Variants in KALRN observed in about 807,000 individuals in gnomAD.
KALRN encodes the protein kalirin.
A neutral mutation model predicts 353.7 loss-of-function variants in KALRN; 70 were observed. That is an observed-to-expected ratio of 0.20 (90% CI 0.16 to 0.24). The LOEUF (loss-of-function observed/expected upper bound fraction) is 0.24, where lower values mean the gene tolerates loss of function less well. KALRN is among the 10% of genes least tolerant of loss of function. The pLI is 1.00. For missense variants in KALRN, 2,791 were observed against 3,756.7 expected (o/e 0.74, Z 6.72); for synonymous variants, 1,391 against 1,434.8 (o/e 0.97, Z 0.69).
chr3:124,153,239 G>A (rs893462992), intron 1 of KALRN, among the ~76,000 whole-genome samples: 2 of 145,726 alleles, frequency 1.4e-5, no homozygotes, highest in African/African-American at 5.1e-5. Context: ...TTAGCATTAG[G>A]TATATCTCCT....
At chr3:124,641,320 G>T (rs1231789377) in intron 37 of KALRN, among the ~76,000 whole-genome samples, 1 of 152,148 alleles carries the variant, frequency 6.6e-6, no homozygotes, top group East Asian at 1.9e-4. Context: ...TAAGAAAGAT[G>T]CTCACCCATC....
chr3:124,610,287 A>G (rs994248977), intron 34 of KALRN, among the ~76,000 whole-genome samples: 2 of 152,208 alleles, frequency 1.3e-5, no homozygotes, highest in Admixed American at 6.5e-5. Context: ...AAGATAGTCT[A>G]TTACTCACAG....
At chr3:124,052,635 T>A (rs928026205) in intron 1 of KALRN, among the ~76,000 whole-genome samples, 2 of 152,090 alleles carry the variant, frequency 1.3e-5, no homozygotes, top group Admixed American at 6.6e-5. Flanking sequence ...TACATTTCCT[T>A]CCATGCAGAA....
intron 1 of KALRN, among the ~76,000 whole-genome samples, chr3:124,100,692 C>T (rs1459345405): frequency 6.6e-6 from 1 of 152,190 alleles, no homozygotes; most frequent in Non-Finnish European, 1.5e-5. Flanking sequence ...TGTCAACATT[C>T]CTGTAGCTAC....
At chr3:124,159,709 C>G (rs1235983630) in intron 1 of KALRN, among the ~76,000 whole-genome samples, 2 of 152,060 alleles carry the variant, frequency 1.3e-5, no homozygotes, top group African/African-American at 2.4e-5. Flanking sequence ...GTTAGACCCT[C>G]CAGTCCAGGG....
At chr3:124,566,880 C>T (rs2072908618) in intron 34 of KALRN, among the ~76,000 whole-genome samples, 1 of 152,116 alleles carries the variant, frequency 6.6e-6, no homozygotes, top group African/African-American at 2.4e-5. Flanking sequence ...TTTTTCAATT[C>T]CCATAAGAGA....
chr3:124,268,995 A>C lies in KALRN; in HGVS notation c.709A>C (p.Lys237Gln), dbSNP rs777754688. 6.2e-7 allele frequency: 1 copy of C among 1,613,960 alleles called. No individual in the cohort carries two copies. Among genetic ancestry groups the C allele is most frequent in the South Asian group, 1.1e-5 (1 of 91,038 alleles). ...CATTGACGAACACACACAGCTCAAG[A>C]AAAAGGTGCTGAAGGCCCCTGTGGA... ...RLIDEHTQLK[K>Q]KVLKAPVEEL... Residue 237 changes from lysine to glutamine, a missense_variant, in exon 5 of 60, where the codon AAA (lysine) becomes CAA (glutamine). By Grantham distance (53) the Lys-to-Gln change is moderately conservative. Transcript: ENST00000682506.
rs114815999 is a variant in KALRN at position 124,333,339 on chromosome 3, A to G, written c.1417-926A>G. 3.5e-3 allele frequency among the ~76,000 whole-genome samples: 531 copies of G among 152,340 alleles called. 2 individuals carry two copies. The highest frequency in any genetic ancestry group is 0.012 in the African/African-American group (489 of 41,560). On this transcript the variant is annotated intron_variant, in intron 8 of 59. Transcript: ENST00000682506. ...TATCACTTGTCAGGCTCTATTCTAAATACGGTATGTGTGTTAACTCATTTA... is the reference window on the plus strand; with the variant it reads ...TATCACTTGTCAGGCTCTATTCTAAGTACGGTATGTGTGTTAACTCATTTA...
intron 49 of KALRN, chr3:124,675,473 A>G (rs1372864072): frequency 1.3e-5 from 2 of 149,508 alleles, no homozygotes; most frequent in African/African-American, 4.9e-5. Context: ...CTATTCTTGG[A>G]CTTTCAAATG....
At chr3:124,513,915 G>T (rs1399317091) in intron 33 of KALRN, among the ~76,000 whole-genome samples, 2 of 152,048 alleles carry the variant, frequency 1.3e-5, no homozygotes, top group Admixed American at 1.3e-4. Context: ...ATAGAATTTG[G>T]GAAGAAGAGC....
chr3:124,057,884 T>C (rs756257879), intron 1 of KALRN, among the ~76,000 whole-genome samples: 5 of 152,200 alleles, frequency 3.3e-5, no homozygotes, highest in Non-Finnish European at 7.3e-5. Flanking sequence ...AAAATGAGAC[T>C]GGGCAACTGT....
intron 1 of KALRN, among the ~76,000 whole-genome samples, chr3:124,072,666 G>A (rs546832415): frequency 7.2e-5 from 11 of 152,292 alleles, no homozygotes; most frequent in South Asian, 2.1e-4. Context: ...CTGTAGCTAC[G>A]GACCAGGAGG....
In KALRN at chr3:124,542,492, C is replaced by A. The variant is rs535106810; in HGVS notation, c.4936-20351C>A. 4.6e-5 allele frequency among the ~76,000 whole-genome samples: 7 copies of A among 152,238 alleles called. No homozygotes were observed. The East Asian group carries it at 1.3e-3, about 29-fold the overall frequency. Reference sequence around the variant, plus strand: ...TCCATTTGTAGGATTTTTGGATATCCCTTTCTAAATTGAATGTCACTTTCC... The same window carrying A: ...TCCATTTGTAGGATTTTTGGATATCACTTTCTAAATTGAATGTCACTTTCC... On this transcript the variant is annotated intron_variant, in intron 33 of 59. Coordinates refer to ENST00000682506, the MANE Select transcript of KALRN (RefSeq NM_001388419.1).
intron 1 of KALRN, among the ~76,000 whole-genome samples, chr3:124,196,815 G>A (rs1218814217): frequency 2.0e-5 from 3 of 152,094 alleles, no homozygotes; most frequent in South Asian, 2.1e-4. Flanking sequence ...TACTAATAGC[G>A]AATGTTTATT....
At chr3:124,562,433 G>GGGTA (rs1236821707) in intron 33 of KALRN, among the ~76,000 whole-genome samples, 1 of 152,144 alleles carries the variant, frequency 6.6e-6, no homozygotes, top group Non-Finnish European at 1.5e-5. Context: ...ACAGGGCACA[G>GGGTA]GGTAGAACCC....
chr3:124,513,445 A>G (rs2066172634), intron 33 of KALRN, among the ~76,000 whole-genome samples: 1 of 152,068 alleles, frequency 6.6e-6, no homozygotes, highest in South Asian at 2.1e-4. Flanking sequence ...GGACACAGAG[A>G]GCGCCCACTA....
At chr3:124,089,731 G>A (rs1158036152) in intron 1 of KALRN, among the ~76,000 whole-genome samples, 6 of 151,916 alleles carry the variant, frequency 3.9e-5, no homozygotes, top group Non-Finnish European at 7.4e-5. Flanking sequence ...GAAATGGGAG[G>A]TCAGGGCAGT....
intron 34 of KALRN, among the ~76,000 whole-genome samples, chr3:124,567,498 T>C (rs1331331778): frequency 6.6e-6 from 1 of 152,158 alleles, no homozygotes; most frequent in Non-Finnish European, 1.5e-5. Context: ...TGTGTCAGAA[T>C]TGGGGTGGGG....
intron 1 of KALRN, among the ~76,000 whole-genome samples, chr3:124,223,704 C>T (rs760655492): frequency 7.2e-5 from 11 of 152,104 alleles, no homozygotes; most frequent in Admixed American, 3.9e-4. Flanking sequence ...ACCCAGGTGC[C>T]CTGGGGAATA....
Sources: allele counts gnomAD v4.1 joint callset (sites outside exome capture counted in the v4.1 genomes callset), GRCh38; gene constraint gnomAD v4.1.1; transcripts MANE v1.5; gene names NCBI Gene and HGNC (gene_info 2026-07-23, HGNC 2026-07-21).